The following SNX7 variants were observed in gnomAD, a reference collection of about 807,000 sequenced individuals.
SNX7 encodes sorting nexin 7.
In SNX7, 35 loss-of-function variants were observed where a neutral mutation model predicts 48.4. The observed-to-expected ratio is 0.72, with a 90% CI of 0.55 to 0.96. The LOEUF (loss-of-function observed/expected upper bound fraction) is 0.96, where lower values mean the gene tolerates loss of function less well. Ranked by LOEUF, SNX7 falls within the 40% of genes least tolerant of loss-of-function variation. The pLI, the probability that SNX7 is intolerant of heterozygous loss-of-function variation, is 0.00. For synonymous variants in SNX7, 190 were observed against 190.2 expected (o/e 1.00, Z 0.01); for missense variants, 553 against 548.9 (o/e 1.01, Z -0.07).
At position 98,760,132 on chromosome 1, in the gene SNX7, T is replaced by G. The variant is rs367605302; in HGVS notation, c.*1T>G. ...AGAAGCCTCTGAAGATAAACCTTAATCCCATTGAGGACTTCTGTTTGATCT... is the reference window on the plus strand; with the variant it reads ...AGAAGCCTCTGAAGATAAACCTTAAGCCCATTGAGGACTTCTGTTTGATCT... On this transcript the variant is annotated 3_prime_UTR_variant, in exon 9 of 9. Coordinates refer to ENST00000306121, the MANE Select transcript of SNX7 (RefSeq NM_015976.5). 1.7e-5 allele frequency: 27 copies of G among 1,602,184 alleles called. No individual in the cohort carries two copies. The African/African-American group carries it at 3.3e-4, about 20-fold the overall frequency.
At chr1:98,707,284 G>A (rs1038440916) in intron 7 of SNX7, among the ~76,000 whole-genome samples, 3 of 152,080 alleles carry the variant, frequency 2.0e-5, no homozygotes, top group Non-Finnish European at 4.4e-5. Context: ...CATTTATGAG[G>A]CATTTCAAAA....
chr1:98,678,346 G>A (rs530078334), intron 1 of SNX7, among the ~76,000 whole-genome samples: 132 of 152,300 alleles, frequency 8.7e-4, no homozygotes, highest in Non-Finnish European at 1.2e-3. Context: ...TCACCCTAAT[G>A]ATCCAGACAC....
chr1:98,685,049 G>C lies in SNX7; in HGVS notation c.345G>C (p.Thr115=), dbSNP rs138647550. ...TTACTACAATAGAAACTTTCATTACGTATAGGATTATTACTAAGGTAAACA... is the reference window on the plus strand; with the variant it reads ...TTACTACAATAGAAACTTTCATTACCTATAGGATTATTACTAAGGTAAACA... The part of the protein sequence containing the change: ...SHVTTIETFI[T]YRIITKTSRG... The change falls in exon 2 of 9, where the codon ACG becomes ACC. Residue 115 remains threonine (T), a synonymous_variant. Coordinates refer to ENST00000306121, the MANE Select transcript of SNX7 (RefSeq NM_015976.5). 7 of 1,535,392 alleles carry C rather than the reference G, an allele frequency of 4.6e-6. No homozygotes were observed. Among genetic ancestry groups the C allele is most frequent in the Non-Finnish European group, 6.2e-6 (7 of 1,135,114 alleles).
chr1:98,756,019 A>G (rs6692379), intron 8 of SNX7, among the ~76,000 whole-genome samples: 108,266 of 151,746 alleles, frequency 0.71, 40,021 homozygotes, highest in South Asian at 0.82. Context: ...TTTTGAATTG[A>G]TAGACAATTT....
intron 7 of SNX7, among the ~76,000 whole-genome samples, chr1:98,718,448 A>G: frequency 6.6e-6 from 1 of 152,172 alleles, no homozygotes; most frequent in East Asian, 1.9e-4. Context: ...TACAAATATT[A>G]CTTCCCAACA....
At chr1:98,686,959 A>G (rs899941714) in intron 2 of SNX7, among the ~76,000 whole-genome samples, 2 of 152,166 alleles carry the variant, frequency 1.3e-5, no homozygotes, top group Non-Finnish European at 2.9e-5. Context: ...CATTCTGATC[A>G]TAGACATACT....
At chr1:98,685,964 T>TA (rs1186803914) in intron 2 of SNX7, among the ~76,000 whole-genome samples, 3 of 152,310 alleles carry the variant, frequency 2.0e-5, no homozygotes, top group African/African-American at 4.8e-5. Flanking sequence ...GGTGCCCACT[T>TA]ACCATATAAG....
chr1:98,688,525 A>T (rs1366339222), intron 2 of SNX7, among the ~76,000 whole-genome samples: 1 of 152,216 alleles, frequency 6.6e-6, no homozygotes, highest in Non-Finnish European at 1.5e-5. Context: ...TTAGGAGTTA[A>T]GCTGTATTCT....
chr1:98,725,480 C>T (rs1198688645), intron 7 of SNX7, among the ~76,000 whole-genome samples: 1 of 152,072 alleles, frequency 6.6e-6, no homozygotes, highest in Non-Finnish European at 1.5e-5. Flanking sequence ...TGGTATGGTA[C>T]TTGGCATGAA....
chr1:98,668,714 C>T (rs1224583982), intron 1 of SNX7, among the ~76,000 whole-genome samples: 2 of 152,124 alleles, frequency 1.3e-5, no homozygotes, highest in East Asian at 1.9e-4. Flanking sequence ...TTAATAACTC[C>T]TTATGAACAC....
At chr1:98,689,105 A>G (rs749996609) in intron 2 of SNX7, among the ~76,000 whole-genome samples, 22 of 152,076 alleles carry the variant, frequency 1.4e-4, no homozygotes, top group East Asian at 5.8e-4. Context: ...GGGTTTCACC[A>G]TGTTGGTCAG....
intron 7 of SNX7, among the ~76,000 whole-genome samples, chr1:98,711,263 C>A (rs928597996): frequency 2.6e-4 from 40 of 152,126 alleles, no homozygotes; most frequent in Non-Finnish European, 5.7e-4. Context: ...AGTGATCCGC[C>A]TGCCTTGACC....
chr1:98,701,681 T>C, intron 6 of SNX7, 136 bp from the exon 7 acceptor site: 1 of 515,432 alleles, frequency 1.9e-6, no homozygotes, highest in Non-Finnish European at 3.3e-6. Context: ...AACAACTTTT[T>C]AAATGTATTA....
chr1:98,726,181 G>A (rs1354631572), intron 7 of SNX7, among the ~76,000 whole-genome samples: 2 of 152,078 alleles, frequency 1.3e-5, no homozygotes, highest in South Asian at 2.1e-4. Context: ...GTTAGGACTC[G>A]AACCCACAGG....
At chr1:98,698,320 T>G (rs1169608520) in intron 5 of SNX7, among the ~76,000 whole-genome samples, 1 of 152,152 alleles carries the variant, frequency 6.6e-6, no homozygotes, top group Non-Finnish European at 1.5e-5. Context: ...CTAAGTAGAA[T>G]ATATAGTCAG....
At position 98,709,378 on chromosome 1, in the gene SNX7, C is replaced by T. The variant is rs556156017; in HGVS notation, c.1125+7475C>T. ...TAGCTTTAGCTGTGTAGTGACCACTCCCATTTGCCCTACCTGGTCGCTCTA... is the reference window on the plus strand; with the variant it reads ...TAGCTTTAGCTGTGTAGTGACCACTTCCATTTGCCCTACCTGGTCGCTCTA... On this transcript the variant is annotated intron_variant, in intron 7 of 8. Coordinates refer to ENST00000306121, the MANE Select transcript of SNX7 (RefSeq NM_015976.5). 9.9e-5 allele frequency among the ~76,000 whole-genome samples: 15 copies of T among 152,274 alleles called. No individual in the cohort carries two copies. In the South Asian group the frequency reaches 3.1e-3, roughly 32 times the overall value.
In SNX7 at chr1:98,737,078, G is replaced by C. The variant is rs12726679; in HGVS notation, c.1126-1159G>C. Among the ~76,000 whole-genome samples, 11 of 141,508 alleles carry C rather than the reference G, an allele frequency of 7.8e-5. No individual in the cohort carries two copies. The South Asian group carries it at 2.4e-3, about 31-fold the overall frequency. The allele number at this position is 141,508 out of a possible 152,430, so 92.8% of individuals were successfully genotyped here. ...CTCACTTCCCAGGACTTTTCCCCTC[G>C]CTTTTTTTTTTCTCTTTTTGTTGCA... On this transcript the variant is annotated intron_variant, in intron 7 of 8. Coordinates refer to ENST00000306121, the MANE Select transcript of SNX7 (RefSeq NM_015976.5).
At chr1:98,734,512 C>A (rs1162795239) in intron 7 of SNX7, among the ~76,000 whole-genome samples, 1 of 152,098 alleles carries the variant, frequency 6.6e-6, no homozygotes, top group Admixed American at 6.6e-5. Flanking sequence ...CCTCTTCTTT[C>A]TTCTAGTTTC....
chr1:98,706,091 CA>C (rs1332144370), intron 7 of SNX7, among the ~76,000 whole-genome samples: 3 of 152,130 alleles, frequency 2.0e-5, no homozygotes, highest in Non-Finnish European at 4.4e-5. Flanking sequence ...AAAAACTTTT[CA>C]GCAAAGTTAA....
Sources: gnomAD v4.1 joint callset for allele counts (sites outside exome capture counted in the v4.1 genomes callset) on GRCh38, gnomAD v4.1.1 for gene constraint, MANE v1.5 for transcripts, NCBI Gene and HGNC (gene_info 2026-07-23, HGNC 2026-07-21) for gene names.